Variants in AFAP1 observed in about 807,000 individuals in gnomAD.
AFAP1 encodes actin filament associated protein 1, also known as actin filament-associated protein 1.
A neutral mutation model predicts 93.9 loss-of-function variants in AFAP1; 75 were observed. The ratio of observed to expected loss-of-function variants is 0.80; its 90% confidence interval spans 0.66 to 0.97. AFAP1 has a LOEUF of 0.97. Ranked by LOEUF, AFAP1 falls within the 50% of genes least tolerant of loss-of-function variation. The pLI is 0.00. For missense variants in AFAP1, 1,201 were observed against 1,050.8 expected, an observed-to-expected ratio of 1.14 and a Z score of -1.98; for synonymous variants, 517 against 430.7, an observed-to-expected ratio of 1.20 and a Z score of -2.48.
At chr4:7,907,014 A>C (rs1056446402) in intron 1 of AFAP1, among the ~76,000 whole-genome samples, 1 of 152,206 alleles carries the variant, frequency 6.6e-6, no homozygotes, top group Non-Finnish European at 1.5e-5. Context: ...AAAAAAAAAA[A>C]AAAAAATTCA....
chr4:7,790,648 C>G (rs11941290), intron 11 of AFAP1, among the ~76,000 whole-genome samples: 11,885 of 148,948 alleles, frequency 0.08, 621 homozygotes, highest in Non-Finnish European at 0.12. Context: ...ACTTACGGAT[C>G]TTATATCTCT....
chr4:7,775,002 A>G, intron 14 of AFAP1, 99 bp from the exon 15 acceptor site: 1 of 1,392,710 alleles, frequency 7.2e-7, no homozygotes. Context: ...TTAGCCAGGC[A>G]TGGCGGCACA....
chr4:7,783,430 G>A (rs915322950), intron 12 of AFAP1, among the ~76,000 whole-genome samples: 1 of 152,180 alleles, frequency 6.6e-6, no homozygotes, highest in Non-Finnish European at 1.5e-5. Context: ...CTGAGCCATC[G>A]CGCCTGGCTA....
In AFAP1 at chr4:7,874,356, C is replaced by CTTTTTTTT. The variant is rs869214535; in HGVS notation, c.-2-2284_-2-2277dup. Among the ~76,000 whole-genome samples, 336 of 92,344 alleles carry CTTTTTTTT rather than the reference C, an allele frequency of 3.6e-3. 2 individuals carry two copies. Among genetic ancestry groups the CTTTTTTTT allele is most frequent in the East Asian group, 7.4e-3 (21 of 2,838 alleles). The allele number at this position is 92,344 out of a possible 152,430, so 60.6% of individuals were successfully genotyped here. A position where few individuals can be genotyped will look rare whatever the true frequency, so the allele number is the denominator to read the frequency against. ...CTGTGGGAGGTCAGATTGCCTTTTTCTTTTTTTTTTTTTTTTTTTTTTTTT... is the reference window on the plus strand; with the variant it reads ...CTGTGGGAGGTCAGATTGCCTTTTTCTTTTTTTTTTTTTTTTTTTTTTTTTTTTTTTTT... On this transcript the variant is annotated intron_variant, in intron 1 of 17. Coordinates refer to ENST00000420658, the MANE Select transcript of AFAP1 (RefSeq NM_001134647.2).
intron 12 of AFAP1, among the ~76,000 whole-genome samples, chr4:7,782,705 G>GT (rs1404165894): frequency 6.6e-6 from 1 of 152,162 alleles, no homozygotes; most frequent in African/African-American, 2.4e-5. Flanking sequence ...CTTTTACCCC[G>GT]TTGATAGTCT....
Position 7,911,824 on chromosome 4 carries a change from T to A in AFAP1, c.-3+27832A>T, listed in dbSNP as rs150318305. On this transcript the variant is annotated intron_variant, in intron 1 of 17. Transcript: ENST00000420658. ...GGGTTCTCCATAGACAAGAAGTAAATCTTCTAAGAGAAAGCTTACACTTAT... is the reference window on the plus strand; with the variant it reads ...GGGTTCTCCATAGACAAGAAGTAAAACTTCTAAGAGAAAGCTTACACTTAT... Among the ~76,000 whole-genome samples, 1,110 of 152,268 alleles carry A rather than the reference T, an allele frequency of 7.3e-3. 8 individuals are homozygous for A. The highest frequency in any genetic ancestry group is 0.024 in the African/African-American group (998 of 41,544).
intron 9 of AFAP1, among the ~76,000 whole-genome samples, chr4:7,809,077 T>C (rs747576841): frequency 1.3e-5 from 2 of 150,038 alleles, no homozygotes; most frequent in Non-Finnish European, 3.0e-5. Context: ...TTTTTTTTTA[T>C]ACTTTAAGTT....
At chr4:7,764,574 T>G (rs970829429) in intron 17 of AFAP1, among the ~76,000 whole-genome samples, 13 of 152,200 alleles carry the variant, frequency 8.5e-5, no homozygotes, top group African/African-American at 3.1e-4. Flanking sequence ...TTTATTTTAC[T>G]CTAATAGAAA....
In AFAP1 at chr4:7,774,865, C is replaced by T; in HGVS notation, c.1936G>A (p.Ala646Thr). The change falls in exon 15 of 18, where the codon GCA (alanine) becomes ACA (threonine). Residue 646 changes from alanine to threonine, a missense_variant. Transcript: ENST00000420658. ...TTGGTCTGTAGCCGCTTGGCATCTG[C>T]TTCTACCCGGTTCTTGCCATACTTG... ...QYKYGKNRVE[A>T]DAKRLQTKEE... 1 of 1,614,204 alleles carries T rather than the reference C, an allele frequency of 6.2e-7. No homozygotes were observed. Among genetic ancestry groups the T allele is most frequent in the South Asian group, 1.1e-5 (1 of 91,086 alleles).
rs547865810 is a variant in AFAP1, at chr4:7,877,776, A to G, written c.-2-5696T>C. The stretch of plus-strand genomic sequence containing the variant: ...ACCCATTTTGTATTTAAAAAGAGCA[A>G]TAGTGTGACCAAATAAAATTTAGTC... On this transcript the variant is annotated intron_variant, in intron 1 of 17. Coordinates refer to ENST00000420658, the MANE Select transcript of AFAP1 (RefSeq NM_001134647.2). 1.2e-4 allele frequency among the ~76,000 whole-genome samples: 19 copies of G among 152,348 alleles called. No homozygotes were observed. In the East Asian group the frequency reaches 3.5e-3, roughly 28 times the overall value.
Position 7,939,728 on chromosome 4 carries a change from G to C in AFAP1, c.-75C>G, listed in dbSNP as rs890790844. 3 of 412,678 alleles carry C rather than the reference G, an allele frequency of 7.3e-6. No individual in the cohort carries two copies. Among genetic ancestry groups the C allele is most frequent in the African/African-American group, 2.2e-5 (1 of 45,660 alleles). The allele number at this position is 412,678 out of a possible 1,614,324, so 25.6% of individuals were successfully genotyped here. On this transcript the variant is annotated 5_prime_UTR_variant, in exon 1 of 18. Transcript: ENST00000420658. The surrounding 1 kb of genome is among the most constrained non-coding windows in gnomAD (Gnocchi z 5.6). ...CCGACTGGAGCGCAGCTGAACAGCC[G>C]ACAGAGCCGCAGCCGCCTTAACAAT...
Position 7,763,584 on chromosome 4 carries a change from T to C in AFAP1, c.*181A>G. On this transcript the variant is annotated 3_prime_UTR_variant, in exon 18 of 18. Transcript: ENST00000420658. The stretch of plus-strand genomic sequence containing the variant: ...TCTTACATCTTTTTTAAAGGCGCCA[T>C]TTTACAGTAGAAAGAATACAAGTGG... 3.2e-6 allele frequency: 2 copies of C among 617,790 alleles called. No homozygotes were observed. The highest frequency in any genetic ancestry group is 5.4e-6 in the Non-Finnish European group (2 of 372,036). 38.3% of individuals were successfully genotyped at this position (617,790 alleles called of 1,614,324 possible).
Position 7,772,873 on chromosome 4 carries a change from C to A in AFAP1, c.2200G>T (p.Gly734Ter), listed in dbSNP as rs1425841560. 6.2e-7 allele frequency: 1 copy of A among 1,613,974 alleles called. No individual in the cohort carries two copies. The highest frequency in any genetic ancestry group is 8.5e-7 in the Non-Finnish European group (1 of 1,180,026). ...KESLKKALAG[G>*]VTLGLAIEPK... ...TCGATGGCCAGCCCCAGGGTGACTC[C>A]GCCCGCCAGCGCTTTCTTCAGGCTC... Residue 734 changes from glycine (G) to a stop codon, truncating the protein, a stop_gained, in exon 16 of 18, where the codon GGA becomes TGA. Transcript: ENST00000420658. LOFTEE classifies it high-confidence loss of function.
At chr4:7,872,258 T>A in intron 1 of AFAP1, 178 bp from the exon 2 acceptor site, 2 of 678,650 alleles carry the variant, frequency 2.9e-6, no homozygotes, top group Non-Finnish European at 4.7e-6. Flanking sequence ...GTCTTCTTCT[T>A]AACAAATGCA....
At chr4:7,816,550 C>A (rs1367064253) in intron 7 of AFAP1, among the ~76,000 whole-genome samples, 1 of 152,188 alleles carries the variant, frequency 6.6e-6, no homozygotes, top group African/African-American at 2.4e-5. Flanking sequence ...ACAATACACT[C>A]AGAATGTACA....
intron 14 of AFAP1, chr4:7,778,535 CA>C: frequency 3.4e-6 from 2 of 590,750 alleles, no homozygotes; most frequent in South Asian, 3.9e-5. Flanking sequence ...GAGTCGATCC[CA>C]CAGGTGGCAA....
chr4:7,885,034 G>A (rs1378298851), intron 1 of AFAP1, among the ~76,000 whole-genome samples: 3 of 152,176 alleles, frequency 2.0e-5, no homozygotes, highest in African/African-American at 7.2e-5. Context: ...CAGGACGCTG[G>A]AGAACTGTTT....
chr4:7,784,659 G>A (rs992816519), intron 12 of AFAP1, among the ~76,000 whole-genome samples: 1 of 152,160 alleles, frequency 6.6e-6, no homozygotes, highest in Admixed American at 6.5e-5. Flanking sequence ...CAGGAAGGAG[G>A]AGGCGGCCAA....
At chr4:7,832,842 G>A (rs1446805079) in intron 6 of AFAP1, among the ~76,000 whole-genome samples, 1 of 152,028 alleles carries the variant, frequency 6.6e-6, no homozygotes, top group Non-Finnish European at 1.5e-5. Context: ...ACAGAATAGA[G>A]AACCCAAATA....
Sources: allele counts gnomAD v4.1 joint callset (sites outside exome capture counted in the v4.1 genomes callset), GRCh38; gene constraint gnomAD v4.1.1; non-coding constraint Gnocchi (gnomAD v3.1); transcripts MANE v1.5; gene names NCBI Gene and HGNC (gene_info 2026-07-23, HGNC 2026-07-21).